Variants in UST observed in about 807,000 individuals in gnomAD.
UST encodes the protein uronyl 2-sulfotransferase, also known as chondroitin sulfate 2-O-sulfotransferase.
Under a neutral mutation model 45.6 loss-of-function variants are expected in UST, and 21 were observed. That is an observed-to-expected ratio of 0.46 (90% CI 0.33 to 0.66). The LOEUF (loss-of-function observed/expected upper bound fraction) is 0.66, where lower values mean the gene tolerates loss of function less well. Among genes scored for constraint, UST ranks in the 30% least tolerant of loss-of-function variants. The probability of loss-of-function intolerance (pLI) is 0.02; values close to 1 mark genes in which losing one functional copy is unlikely to be tolerated. For missense variants in UST, 463 were observed against 512.4 expected (o/e 0.90, Z 0.93); for synonymous variants, 215 against 200.6 (o/e 1.07, Z -0.61).
intron 4 of UST, 50 bp downstream of exon 4, chr6:148,954,001 G>A: frequency 7.1e-7 from 1 of 1,409,002 alleles, no homozygotes; most frequent in Non-Finnish European, 9.8e-7. Context: ...CTAATGAACA[G>A]TTACTTTAGA....
In UST at chr6:148,747,633, G is replaced by A. The variant is rs778628284; in HGVS notation, c.203G>A (p.Ser68Asn). ...FCLGSLLYQL[S>N]GGPPRFLLDL... ...CTGGGCTCCCTCCTCTATCAGCTCA[G>A]CGGGGGACCCCCTCGCTTCCTGCTC... Residue 68 changes from serine (S) to asparagine (N), a missense_variant, in exon 1 of 8, where the codon AGC (serine) becomes AAC (asparagine). Around this residue, in one of 2 missense-constraint regions of UST, gnomAD observed 176 missense variants for 138.3 expected, o/e 1.27. Transcript: ENST00000367463. 1 of 1,600,430 alleles carries A rather than the reference G, an allele frequency of 6.2e-7. No homozygotes were observed. Among genetic ancestry groups the A allele is most frequent in the Non-Finnish European group, 8.5e-7 (1 of 1,174,988 alleles).
rs1220021644 is a variant in UST at position 148,790,703 on chromosome 6, A to G, written c.247+43026A>G. On this transcript the variant is annotated intron_variant, in intron 1 of 7. Coordinates refer to ENST00000367463, the MANE Select transcript of UST (RefSeq NM_005715.3). The surrounding 1 kb of genome is among the most constrained non-coding windows in gnomAD (Gnocchi z 4.2). ...CGTGTGGAAGGAAACCTCCTCGCCC[A>G]AGGTTATGCCTCTCCTCTCGGGGCA... Among the ~76,000 whole-genome samples, 1 of 152,138 alleles carries G rather than the reference A, an allele frequency of 6.6e-6. No homozygotes were observed. Among genetic ancestry groups the G allele is most frequent in the African/African-American group, 2.4e-5 (1 of 41,446 alleles).
chr6:148,800,774 A>ATTT (rs35096958), intron 1 of UST, among the ~76,000 whole-genome samples: 1 of 116,934 alleles, frequency 8.6e-6, no homozygotes, highest in African/African-American at 3.1e-5. Flanking sequence ...TTCAGATCAG[A>ATTT]TTTTTTTTTT....
intron 3 of UST, among the ~76,000 whole-genome samples, chr6:148,951,846 C>T (rs1780371363): frequency 6.6e-6 from 1 of 152,222 alleles, no homozygotes; most frequent in African/African-American, 2.4e-5. Context: ...TACATTGTCA[C>T]TGCTAATCCA....
chr6:148,988,279 T>G (rs1781271733), intron 5 of UST, among the ~76,000 whole-genome samples: 1 of 152,028 alleles, frequency 6.6e-6, no homozygotes, highest in Non-Finnish European at 1.5e-5. Flanking sequence ...TTACTCCCTT[T>G]ATTCAAAAAA....
chr6:148,926,732 G>A (rs929756000), intron 2 of UST, among the ~76,000 whole-genome samples: 1 of 152,216 alleles, frequency 6.6e-6, no homozygotes, highest in Non-Finnish European at 1.5e-5. Flanking sequence ...TCATTCATTT[G>A]TTGAATGAAT....
intron 5 of UST, among the ~76,000 whole-genome samples, chr6:148,986,951 A>G (rs539671914): frequency 6.4e-4 from 97 of 152,386 alleles, no homozygotes; most frequent in African/African-American, 2.3e-3. Context: ...ATTGATATAC[A>G]TCATCACCCT....
chr6:148,921,605 G>C (rs1030742497), intron 2 of UST, among the ~76,000 whole-genome samples: 2 of 152,166 alleles, frequency 1.3e-5, no homozygotes, highest in Non-Finnish European at 2.9e-5. Flanking sequence ...CCTCTCTGGA[G>C]CCATCCTTTG....
chr6:148,913,128 A>T (rs140658023), intron 2 of UST, among the ~76,000 whole-genome samples: 1 of 152,190 alleles, frequency 6.6e-6, no homozygotes, highest in Non-Finnish European at 1.5e-5. Flanking sequence ...AAGGACTTGC[A>T]ATGCCATTGG....
chr6:148,982,587 T>TA (rs1224787957), intron 5 of UST, among the ~76,000 whole-genome samples: 1 of 152,206 alleles, frequency 6.6e-6, no homozygotes, highest in African/African-American at 2.4e-5. Context: ...TGTTCAATCT[T>TA]ACAGTTTCTA....
At chr6:148,858,933 G>A (rs111243710) in intron 1 of UST, among the ~76,000 whole-genome samples, 1,952 of 151,872 alleles carry the variant, frequency 0.013, 25 homozygotes, top group Admixed American at 0.024. Context: ...AGTCTTTGCT[G>A]TTGTGAATAG....
intron 1 of UST, among the ~76,000 whole-genome samples, chr6:148,827,623 GA>G (rs770301715): frequency 4.5e-4 from 56 of 124,196 alleles, no homozygotes; most frequent in East Asian, 7.1e-4. Flanking sequence ...CTCAAAAAAG[GA>G]AAAAAAAAAA....
At chr6:148,966,227 AAAT>A (rs1196649259) in intron 5 of UST, among the ~76,000 whole-genome samples, 2 of 120,436 alleles carry the variant, frequency 1.7e-5, no homozygotes, top group East Asian at 2.1e-4. Flanking sequence ...CCATCTCAAA[AAAT>A]AATAATAATA....
At chr6:149,026,838 A>G (rs886988110) in intron 7 of UST, among the ~76,000 whole-genome samples, 6 of 152,200 alleles carry the variant, frequency 3.9e-5, no homozygotes, top group African/African-American at 4.8e-5. Flanking sequence ...ACACGTTTCC[A>G]TTACAAATGT....
intron 5 of UST, among the ~76,000 whole-genome samples, chr6:149,000,399 C>T (rs774674515): frequency 1.3e-5 from 2 of 151,994 alleles, no homozygotes; most frequent in Admixed American, 6.6e-5. Flanking sequence ...CCCGGGAGTC[C>T]GGATGGTAGA....
chr6:148,878,297 TG>T (rs367757883), intron 1 of UST, among the ~76,000 whole-genome samples: 11 of 18,436 alleles, frequency 6.0e-4, no homozygotes, highest in East Asian at 1.9e-3. Context: ...CATGTATGAG[TG>T]GGGGGGGTCA....
intron 2 of UST, among the ~76,000 whole-genome samples, chr6:148,889,133 C>T (rs1215579941): frequency 6.6e-6 from 1 of 152,232 alleles, no homozygotes; most frequent in African/African-American, 2.4e-5. Flanking sequence ...GCCCAGGCCC[C>T]AGAGTGTCTG....
chr6:148,772,461 C>T (rs1224614906), intron 1 of UST, among the ~76,000 whole-genome samples: 1 of 150,450 alleles, frequency 6.6e-6, no homozygotes, highest in Admixed American at 6.6e-5. Context: ...CTTGCTGTGT[C>T]ACCCACGCTG....
At chr6:148,834,301 G>C (rs936813183) in intron 1 of UST, among the ~76,000 whole-genome samples, 5 of 152,242 alleles carry the variant, frequency 3.3e-5, no homozygotes, top group Admixed American at 1.3e-4. Flanking sequence ...ACATCTTACA[G>C]GAAAACCCTT....
Sources: allele counts gnomAD v4.1 joint callset (sites outside exome capture counted in the v4.1 genomes callset), GRCh38; gene constraint gnomAD v4.1.1; regional missense constraint gnomAD v4.1.1; non-coding constraint Gnocchi (gnomAD v3.1); transcripts MANE v1.5; gene names NCBI Gene and HGNC (gene_info 2026-07-23, HGNC 2026-07-21).